IGF1R: variants seen among roughly 807,000 people sequenced by gnomAD.
IGF1R encodes the protein insulin like growth factor 1 receptor.
IGF1R carries 44 observed loss-of-function variants against 144.6 expected under a neutral mutation model. The ratio of observed to expected loss-of-function variants is 0.30; its 90% CI spans 0.24 to 0.39. IGF1R has a LOEUF of 0.39. Among genes scored for constraint, IGF1R ranks in the 10% least tolerant of loss-of-function variants. IGF1R has a pLI of 1.00. For synonymous variants in IGF1R, 795 were observed against 722.8 expected, an observed-to-expected ratio of 1.10 and a Z score of -1.60; for missense variants, 1,355 against 1,833.7, an observed-to-expected ratio of 0.74 and a Z score of 4.77.
At chr15:98,838,474 T>G (rs1270484848) in intron 2 of IGF1R, among the ~76,000 whole-genome samples, 1 of 152,202 alleles carries the variant, frequency 6.6e-6, no homozygotes, top group Non-Finnish European at 1.5e-5. Context: ...TGCTGTTTGC[T>G]TTCTTGAATT....
At chr15:98,790,100 G>A (rs750688852) in intron 2 of IGF1R, among the ~76,000 whole-genome samples, 1 of 152,170 alleles carries the variant, frequency 6.6e-6, no homozygotes, top group East Asian at 1.9e-4. Flanking sequence ...GAAAGAGGCC[G>A]GGACAGGTGA....
Position 98,728,039 on chromosome 15 carries a change from G to A in IGF1R, c.640+19932G>A, listed in dbSNP as rs369408223. ...TTTTTTTTTTTTTTTTAAGCGAGCAGCAGCAAGATTTATTGTGAAGAGTGA... is the reference window on the plus strand; with the variant it reads ...TTTTTTTTTTTTTTTTAAGCGAGCAACAGCAAGATTTATTGTGAAGAGTGA... On this transcript the variant is annotated intron_variant, in intron 2 of 20. Transcript: ENST00000650285. Among the ~76,000 whole-genome samples, 104 of 138,280 alleles carry A rather than the reference G, an allele frequency of 7.5e-4. 1 individual carries two copies. Among genetic ancestry groups the A allele is most frequent in the African/African-American group, 2.7e-3 (99 of 36,654 alleles). 90.7% of individuals were successfully genotyped at this position (138,280 alleles called of 152,430 possible).
intron 1 of IGF1R, among the ~76,000 whole-genome samples, chr15:98,703,158 T>C (rs1447295196): frequency 6.6e-6 from 1 of 152,112 alleles, no homozygotes; most frequent in East Asian, 1.9e-4. Flanking sequence ...GCTTGTCTTA[T>C]TCTTTACAGG....
At chr15:98,837,368 A>C (rs948210962) in intron 2 of IGF1R, among the ~76,000 whole-genome samples, 1 of 152,060 alleles carries the variant, frequency 6.6e-6, no homozygotes, top group African/African-American at 2.4e-5. Context: ...CCTCCTCCCA[A>C]GTAGCTGGGA....
chr15:98,755,649 G>C (rs926786787), intron 2 of IGF1R, among the ~76,000 whole-genome samples: 7 of 136,796 alleles, frequency 5.1e-5, no homozygotes, highest in African/African-American at 1.8e-4. Context: ...AACCCAGGAG[G>C]CGGAGGTTGC....
chr15:98,754,478 G>A (rs527780216), intron 2 of IGF1R, among the ~76,000 whole-genome samples: 2 of 152,170 alleles, frequency 1.3e-5, no homozygotes, highest in Non-Finnish European at 2.9e-5. Flanking sequence ...TGTTGTGGTT[G>A]TGATAAACTC....
intron 2 of IGF1R, among the ~76,000 whole-genome samples, chr15:98,745,900 T>C (rs2054853269): frequency 6.6e-6 from 1 of 152,260 alleles, no homozygotes; most frequent in Admixed American, 6.5e-5. Context: ...TCTAGGAATT[T>C]ATCTTACCAA....
At chr15:98,780,436 C>A (rs1009166176) in intron 2 of IGF1R, among the ~76,000 whole-genome samples, 5 of 151,228 alleles carry the variant, frequency 3.3e-5, no homozygotes, top group Non-Finnish European at 7.4e-5. Flanking sequence ...GTAATCCCAG[C>A]TACTCAGGAG....
chr15:98,791,036 GC>G (rs1442611619), intron 2 of IGF1R, among the ~76,000 whole-genome samples: 2 of 152,226 alleles, frequency 1.3e-5, no homozygotes, highest in African/African-American at 4.8e-5. Flanking sequence ...TTAGATTGAA[GC>G]TTGTCCCAGA....
intron 10 of IGF1R, among the ~76,000 whole-genome samples, chr15:98,918,069 TTCAAAAAAG>T (rs540936840): frequency 3.9e-5 from 6 of 152,186 alleles, no homozygotes; most frequent in Non-Finnish European, 7.3e-5. Flanking sequence ...TTTTTTTCCT[TTCAAAAAAG>T]GATTAGCCCA....
At chr15:98,776,341 T>C (rs2055714833) in intron 2 of IGF1R, among the ~76,000 whole-genome samples, 1 of 152,012 alleles carries the variant, frequency 6.6e-6, no homozygotes, top group South Asian at 2.1e-4. Context: ...TGTGCCACCA[T>C]GCCGGGCTAA....
At chr15:98,928,406 G>A (rs752394615) in intron 13 of IGF1R, among the ~76,000 whole-genome samples, 5 of 152,136 alleles carry the variant, frequency 3.3e-5, no homozygotes, top group Non-Finnish European at 7.4e-5. Flanking sequence ...AGGTCCCTCC[G>A]TCTGTCCTCA....
intron 2 of IGF1R, among the ~76,000 whole-genome samples, chr15:98,833,609 A>C (rs1388247022): frequency 6.6e-6 from 1 of 152,226 alleles, no homozygotes; most frequent in Non-Finnish European, 1.5e-5. Flanking sequence ...GGGAGAAGGT[A>C]TAACCTTTCC....
intron 15 of IGF1R, among the ~76,000 whole-genome samples, chr15:98,933,094 C>T (rs1183733030): frequency 6.6e-6 from 1 of 152,234 alleles, no homozygotes; most frequent in Non-Finnish European, 1.5e-5. Context: ...CCACCTCCTT[C>T]CCACAGTCAG....
At chr15:98,763,872 G>A (rs548384530) in intron 2 of IGF1R, among the ~76,000 whole-genome samples, 9 of 152,138 alleles carry the variant, frequency 5.9e-5, no homozygotes, top group South Asian at 2.1e-4. Context: ...CTTGCCCAGC[G>A]TGACCTCATT....
rs535371091 is a variant in IGF1R, at chr15:98,812,301, C to T, written c.641-79024C>T. On this transcript the variant is annotated intron_variant, in intron 2 of 20. Transcript: ENST00000650285. ...CCTTGAACTCTTTCTTGTGCCCTTC[C>T]AGCTGTGAGCTGTGTCACCATTGTA... Among the ~76,000 whole-genome samples the T allele has an allele frequency of 3.2e-4, 49 of 151,840 alleles. No individual in the cohort carries two copies. In the South Asian group the frequency reaches 4.2e-3, roughly 13 times the overall value.
intron 1 of IGF1R, among the ~76,000 whole-genome samples, chr15:98,668,511 T>C (rs2052801111): frequency 6.6e-6 from 1 of 152,214 alleles, no homozygotes; most frequent in Non-Finnish European, 1.5e-5. Flanking sequence ...GCCTGAAATG[T>C]GTAGTGCACC....
At chr15:98,820,329 C>T (rs539763722) in intron 2 of IGF1R, among the ~76,000 whole-genome samples, 1 of 152,102 alleles carries the variant, frequency 6.6e-6, no homozygotes, top group African/African-American at 2.4e-5. Flanking sequence ...TAAGTGATAA[C>T]TGAGTTGAAA....
At chr15:98,785,557 C>CT (rs1444883176) in intron 2 of IGF1R, among the ~76,000 whole-genome samples, 1 of 152,144 alleles carries the variant, frequency 6.6e-6, no homozygotes, top group Non-Finnish European at 1.5e-5. Context: ...GGGCCGCAGG[C>CT]TTTAGCGTTC....
Sources: gnomAD v4.1 joint callset for allele counts (sites outside exome capture counted in the v4.1 genomes callset) on GRCh38, gnomAD v4.1.1 for gene constraint, MANE v1.5 for transcripts, NCBI Gene and HGNC (gene_info 2026-07-23, HGNC 2026-07-21) for gene names.